Variants in FHL5 observed in about 807,000 individuals in gnomAD.
FHL5 encodes four and a half LIM domains 5, also known as four and a half LIM domains protein 5.
A neutral mutation model predicts 32.0 loss-of-function variants in FHL5; 33 were observed. The ratio of observed to expected loss-of-function variants is 1.03; its 90% CI spans 0.78 to 1.38. The LOEUF (loss-of-function observed/expected upper bound fraction) is 1.38. Ranked by LOEUF, FHL5 falls within the 40% of genes most tolerant of loss-of-function variation. The pLI, the probability that FHL5 is intolerant of heterozygous loss-of-function variation, is 0.00. For missense variants in FHL5, 336 were observed against 343.9 expected (o/e 0.98, Z 0.18); for synonymous variants, 114 against 113.6 (o/e 1.00, Z -0.02).
intron 5 of FHL5, among the ~76,000 whole-genome samples, chr6:96,613,934 G>A (rs755622800): frequency 6.6e-6 from 1 of 152,162 alleles, no homozygotes; most frequent in Non-Finnish European, 1.5e-5. Context: ...CTCAACAAAT[G>A]CCAGCTCTTA....
At chr6:96,604,118 T>G (rs1771216999) in intron 2 of FHL5, among the ~76,000 whole-genome samples, 1 of 152,286 alleles carries the variant, frequency 6.6e-6, no homozygotes, top group South Asian at 2.1e-4. Context: ...AGGGTATAAA[T>G]AAATGCATAA....
intron 5 of FHL5, among the ~76,000 whole-genome samples, chr6:96,612,146 C>T (rs890612399): frequency 1.3e-5 from 2 of 152,166 alleles, no homozygotes; most frequent in African/African-American, 4.8e-5. Flanking sequence ...CCTTAGCAAT[C>T]CCACACCACT....
chr6:96,578,132 A>C (rs1307436146), intron 1 of FHL5, among the ~76,000 whole-genome samples: 17 of 152,148 alleles, frequency 1.1e-4, no homozygotes, highest in Non-Finnish European at 2.2e-4. Flanking sequence ...AAGAGGCTTT[A>C]TCTCTAAATA....
Position 96,615,776 on chromosome 6 carries a change from A to T in FHL5, c.*4A>T. ...CGGAATGGACACTGACATCTAGGAG[A>T]CAGTCCTTGCCCACCTAAAATCCAT... is the stretch of plus-strand genomic sequence containing the variant. On this transcript the variant is annotated 3_prime_UTR_variant, in exon 6 of 6. Transcript: ENST00000450218. 6.3e-7 allele frequency: 1 copy of T among 1,598,996 alleles called. No homozygotes were observed. Among genetic ancestry groups the T allele is most frequent in the Non-Finnish European group, 8.5e-7 (1 of 1,172,012 alleles).
chr6:96,605,161 T>C (rs1020576568), intron 3 of FHL5, among the ~76,000 whole-genome samples: 1 of 152,214 alleles, frequency 6.6e-6, no homozygotes, highest in African/African-American at 2.4e-5. Context: ...TAGAAACATT[T>C]CAAACCAGAA....
intron 1 of FHL5, among the ~76,000 whole-genome samples, chr6:96,567,544 A>G (rs1770382762): frequency 6.6e-6 from 1 of 151,780 alleles, no homozygotes; most frequent in South Asian, 2.1e-4. Flanking sequence ...TATTTTGATA[A>G]CATTGCATTG....
At chr6:96,572,531 A>G (rs554495734) in intron 1 of FHL5, among the ~76,000 whole-genome samples, 1 of 152,264 alleles carries the variant, frequency 6.6e-6, no homozygotes, top group African/African-American at 2.4e-5. Flanking sequence ...AAGGGGAGCC[A>G]TGACTACTTA....
chr6:96,569,150 T>G (rs956853585), intron 1 of FHL5, among the ~76,000 whole-genome samples: 21 of 152,054 alleles, frequency 1.4e-4, no homozygotes, highest in Admixed American at 6.5e-5. Context: ...GTTTCTATTT[T>G]CATTTGTTTG....
intron 4 of FHL5, among the ~76,000 whole-genome samples, chr6:96,608,228 A>C (rs1771325325): frequency 6.6e-6 from 1 of 152,224 alleles, no homozygotes; most frequent in Non-Finnish European, 1.5e-5. Context: ...TCTTTAGTAC[A>C]TCCATGCTGA....
At chr6:96,604,410 G>A (rs3798296) in intron 2 of FHL5, among the ~76,000 whole-genome samples, 24,272 of 151,582 alleles carry the variant, frequency 0.16, 2,085 homozygotes, top group Middle Eastern at 0.26. Flanking sequence ...ATCTCAAAGA[G>A]TAATAGAACA....
At chr6:96,576,103 T>C (rs1279720002) in intron 1 of FHL5, among the ~76,000 whole-genome samples, 1 of 152,188 alleles carries the variant, frequency 6.6e-6, no homozygotes, top group Non-Finnish European at 1.5e-5. Context: ...TCCACCTACT[T>C]TGTCTTCGAG....
At chr6:96,567,940 G>A (rs575465456) in intron 1 of FHL5, among the ~76,000 whole-genome samples, 5 of 149,182 alleles carry the variant, frequency 3.4e-5, no homozygotes, top group South Asian at 2.1e-4. Flanking sequence ...TTGCAAATGA[G>A]GACAATTTGA....
At chr6:96,566,099 C>T (rs1473013012) in intron 1 of FHL5, among the ~76,000 whole-genome samples, 1 of 152,018 alleles carries the variant, frequency 6.6e-6, no homozygotes, top group East Asian at 1.9e-4. Flanking sequence ...AAACTTATTC[C>T]TCCTATCTAG....
chr6:96,572,846 A>T (rs1444891198), intron 1 of FHL5, among the ~76,000 whole-genome samples: 2 of 152,162 alleles, frequency 1.3e-5, no homozygotes, highest in African/African-American at 4.8e-5. Context: ...GGGATGGTGA[A>T]GGCCTGGCAT....
Position 96,618,564 on chromosome 6 carries a change from G to A in FHL5, c.*2792G>A, listed in dbSNP as rs568947479. Among the ~76,000 whole-genome samples the A allele has an allele frequency of 1.8e-4, 28 of 152,244 alleles. No homozygotes were observed. Among genetic ancestry groups the A allele is most frequent in the Admixed American group, 1.7e-3 (26 of 15,290 alleles). On this transcript the variant is annotated 3_prime_UTR_variant, in exon 6 of 6. Transcript: ENST00000450218. ...TGTGGAATAGAACCAAAGAAAGCAA[G>A]GTTCCAAGGATTAAGTTTCTTACTG...
At chr6:96,615,291 C>T (rs1771493999) in intron 5 of FHL5, among the ~76,000 whole-genome samples, 1 of 152,186 alleles carries the variant, frequency 6.6e-6, no homozygotes, top group African/African-American at 2.4e-5. Context: ...CACTATGCTA[C>T]ACTGTATTGT....
At chr6:96,614,840 T>TTAAAGAAACA (rs1306802195) in intron 5 of FHL5, among the ~76,000 whole-genome samples, 4 of 152,296 alleles carry the variant, frequency 2.6e-5, no homozygotes, top group Admixed American at 1.3e-4. Context: ...CGACTACTTT[T>TTAAAGAAACA]TAAAGAAACA....
At position 96,603,829 on chromosome 6, in the gene FHL5, G is replaced by T. The variant is rs1771210677; in HGVS notation, c.159+57G>T. The T allele has an allele frequency of 5.0e-5, 69 of 1,381,572 alleles. No individual in the cohort carries two copies. The South Asian group carries it at 8.4e-4, about 17-fold the overall frequency. The allele number at this position is 1,381,572 out of a possible 1,614,324, so 85.6% of individuals were successfully genotyped here. On this transcript the variant is annotated intron_variant, in intron 2 of 5. Coordinates refer to ENST00000450218, the MANE Select transcript of FHL5 (RefSeq NM_001322466.2). ...CCTATGAACAGCAAACAAGTGGGTT[G>T]GAGTGCCTCTTTTCATTTAGTGTTG...
At chr6:96,602,422 G>GTTCCTTTTTTT (rs1562062425) in intron 1 of FHL5, among the ~76,000 whole-genome samples, 15 of 26,584 alleles carry the variant, frequency 5.6e-4, no homozygotes, top group African/African-American at 1.5e-3. Context: ...TATATGCGTT[G>GTTCCTTTTTTT]TTTCTTTTTT....
Sources: gnomAD v4.1 joint callset for allele counts (sites outside exome capture counted in the v4.1 genomes callset) on GRCh38, gnomAD v4.1.1 for gene constraint, MANE v1.5 for transcripts, NCBI Gene and HGNC (gene_info 2026-07-23, HGNC 2026-07-21) for gene names.